Variants in SCFD2 observed in about 807,000 individuals in gnomAD.
The protein encoded by SCFD2 is sec1 family domain containing 2.
SCFD2 carries 54 observed loss-of-function variants against 58.9 expected under a neutral mutation model. The observed-to-expected ratio is 0.92, with a 90% CI of 0.74 to 1.15. The LOEUF is 1.15. Ranked by LOEUF, SCFD2 falls within the 50% of genes most tolerant of loss-of-function variation. The pLI is 0.00. For synonymous variants in SCFD2, 321 were observed against 335.9 expected (o/e 0.96, Z 0.49); for missense variants, 805 against 836.6 (o/e 0.96, Z 0.47).
chr4:52,985,082 T>C (rs1251678886), intron 5 of SCFD2, among the ~76,000 whole-genome samples: 1 of 152,238 alleles, frequency 6.6e-6, no homozygotes, highest in Non-Finnish European at 1.5e-5. Flanking sequence ...AATTGGGAGC[T>C]GTACAGCTAA....
intron 4 of SCFD2, among the ~76,000 whole-genome samples, chr4:53,251,260 G>A (rs971717354): frequency 6.6e-6 from 1 of 151,926 alleles, no homozygotes; most frequent in African/African-American, 2.4e-5. Context: ...CAACCAAAAA[G>A]AGTCCAGGAC....
At chr4:53,331,875 G>A (rs1307269728) in intron 2 of SCFD2, among the ~76,000 whole-genome samples, 6 of 152,062 alleles carry the variant, frequency 3.9e-5, no homozygotes, top group Admixed American at 3.3e-4. Flanking sequence ...AAAAAAGAGA[G>A]AAGAATCAAA....
At chr4:53,244,773 GA>G (rs1225081193) in intron 4 of SCFD2, among the ~76,000 whole-genome samples, 3 of 148,154 alleles carry the variant, frequency 2.0e-5, no homozygotes, top group Admixed American at 1.3e-4. Context: ...ACTGAGATGT[GA>G]AAAACCATTC....
intron 5 of SCFD2, among the ~76,000 whole-genome samples, chr4:53,139,981 C>T (rs1305205429): frequency 6.6e-6 from 1 of 152,000 alleles, no homozygotes; most frequent in Non-Finnish European, 1.5e-5. Flanking sequence ...GCAAGATGTG[C>T]TTTGTTAAAC....
At chr4:53,030,906 TA>T (rs1394243610) in intron 5 of SCFD2, among the ~76,000 whole-genome samples, 1 of 152,214 alleles carries the variant, frequency 6.6e-6, no homozygotes, top group East Asian at 1.9e-4. Context: ...GGCTAATGAA[TA>T]AATACATTGG....
At chr4:53,238,681 C>G (rs1306919610) in intron 4 of SCFD2, among the ~76,000 whole-genome samples, 1 of 148,198 alleles carries the variant, frequency 6.7e-6, no homozygotes, top group South Asian at 2.2e-4. Flanking sequence ...ACCTCCCAGA[C>G]GGGGTTGCGG....
intron 5 of SCFD2, among the ~76,000 whole-genome samples, chr4:53,089,097 A>G (rs1420374495): frequency 6.6e-6 from 1 of 152,164 alleles, no homozygotes; most frequent in Admixed American, 6.5e-5. Context: ...GCACTTTGAT[A>G]TAGGAATTCC....
intron 4 of SCFD2, among the ~76,000 whole-genome samples, chr4:53,160,007 C>A (rs1215361420): frequency 3.3e-5 from 5 of 152,158 alleles, no homozygotes; most frequent in Non-Finnish European, 7.3e-5. Flanking sequence ...TCTCCATGAG[C>A]AGCTTATTTA....
At chr4:52,892,907 T>C (rs1159290182) in intron 7 of SCFD2, among the ~76,000 whole-genome samples, 1 of 152,254 alleles carries the variant, frequency 6.6e-6, no homozygotes, top group Non-Finnish European at 1.5e-5. Flanking sequence ...AAATCAAGTT[T>C]GTGTTTTTGC....
At chr4:53,248,684 G>A (rs1269169075) in intron 4 of SCFD2, among the ~76,000 whole-genome samples, 3 of 151,942 alleles carry the variant, frequency 2.0e-5, no homozygotes, top group African/African-American at 7.2e-5. Flanking sequence ...ACACAGCCGG[G>A]TACTCCTCAG....
intron 6 of SCFD2, among the ~76,000 whole-genome samples, chr4:52,909,553 T>C (rs1357633343): frequency 6.6e-6 from 1 of 152,194 alleles, no homozygotes; most frequent in African/African-American, 2.4e-5. Flanking sequence ...CAGCAATGAT[T>C]ATGGGGTGGC....
At chr4:53,274,241 G>T (rs1450274278) in intron 3 of SCFD2, among the ~76,000 whole-genome samples, 1 of 152,110 alleles carries the variant, frequency 6.6e-6, no homozygotes, top group Non-Finnish European at 1.5e-5. Context: ...ATCTGGCCAA[G>T]GTCATGTTGC....
At chr4:53,222,106 T>C (rs1387617524) in intron 4 of SCFD2, among the ~76,000 whole-genome samples, 1 of 152,268 alleles carries the variant, frequency 6.6e-6, no homozygotes, top group Non-Finnish European at 1.5e-5. Flanking sequence ...AATCTGTTCC[T>C]ATATTACCAT....
intron 2 of SCFD2, among the ~76,000 whole-genome samples, chr4:53,334,853 G>T (rs957587831): frequency 6.6e-6 from 1 of 152,122 alleles, no homozygotes; most frequent in African/African-American, 2.4e-5. Context: ...AGTGATCAAA[G>T]CTAACATCAC....
chr4:53,266,469 T>C (rs1730987546), intron 4 of SCFD2, among the ~76,000 whole-genome samples: 1 of 152,202 alleles, frequency 6.6e-6, no homozygotes, highest in South Asian at 2.1e-4. Flanking sequence ...ACACATGTAA[T>C]CTCACTCAAT....
intron 5 of SCFD2, among the ~76,000 whole-genome samples, chr4:53,018,647 T>G (rs1179739521): frequency 6.6e-6 from 1 of 152,192 alleles, no homozygotes; most frequent in African/African-American, 2.4e-5. Flanking sequence ...TTTCCTTTAT[T>G]GCTAGGCCAG....
intron 5 of SCFD2, among the ~76,000 whole-genome samples, chr4:53,140,722 A>C (rs966605257): frequency 1.2e-4 from 18 of 152,172 alleles, no homozygotes; most frequent in African/African-American, 3.9e-4. Flanking sequence ...GCACGGCATA[A>C]AACGATATAT....
chr4:53,063,958 T>C (rs529315428), intron 5 of SCFD2, among the ~76,000 whole-genome samples: 1 of 152,164 alleles, frequency 6.6e-6, no homozygotes, highest in East Asian at 1.9e-4. Context: ...TTGAGGCAAA[T>C]TGCAGTCTCC....
At chr4:53,230,299 G>A (rs1163962898) in intron 4 of SCFD2, among the ~76,000 whole-genome samples, 1 of 152,182 alleles carries the variant, frequency 6.6e-6, no homozygotes, top group Non-Finnish European at 1.5e-5. Flanking sequence ...TAGAAATCAT[G>A]CTGCTACAAA....
Sources: allele counts gnomAD v4.1 joint callset (sites outside exome capture counted in the v4.1 genomes callset), GRCh38; gene constraint gnomAD v4.1.1; transcripts MANE v1.5; gene names NCBI Gene and HGNC (gene_info 2026-07-23, HGNC 2026-07-21).